Variants in PDE4D observed in about 807,000 individuals in gnomAD.
PDE4D encodes the protein phosphodiesterase 4D.
A neutral mutation model predicts 87.4 loss-of-function variants in PDE4D; 24 were observed. The ratio of observed to expected loss-of-function variants is 0.27; its 90% CI spans 0.20 to 0.39. The LOEUF (loss-of-function observed/expected upper bound fraction) is 0.39. Ranked by LOEUF, PDE4D falls within the 10% of genes least tolerant of loss-of-function variation. The pLI, the probability that PDE4D is intolerant of heterozygous loss-of-function variation, is 1.00. For synonymous variants in PDE4D, 384 were observed against 383.2 expected (o/e 1.00, Z -0.02); for missense variants, 714 against 1,041.0 (o/e 0.69, Z 4.32).
chr5:59,775,752 G>A (rs907363313), intron 1 of PDE4D, among the ~76,000 whole-genome samples: 2 of 152,040 alleles, frequency 1.3e-5, no homozygotes, highest in Non-Finnish European at 2.9e-5. Context: ...AATCCAACAG[G>A]TATCCTAAAT....
intron 1 of PDE4D, among the ~76,000 whole-genome samples, chr5:59,810,435 G>T (rs1768222254): frequency 6.6e-6 from 1 of 152,128 alleles, no homozygotes; most frequent in South Asian, 2.1e-4. Flanking sequence ...TTTTCCTTAT[G>T]TGTTAAGTGC....
intron 1 of PDE4D, among the ~76,000 whole-genome samples, chr5:59,843,672 C>G (rs1743388287): frequency 6.6e-6 from 1 of 152,060 alleles, no homozygotes; most frequent in South Asian, 2.1e-4. Flanking sequence ...GTTTATAACT[C>G]TGAGCACACA....
intron 1 of PDE4D, among the ~76,000 whole-genome samples, chr5:60,308,451 C>T (rs1160899417): frequency 6.6e-6 from 1 of 152,140 alleles, no homozygotes; most frequent in Non-Finnish European, 1.5e-5. Flanking sequence ...CTGTTTCTAA[C>T]GTTGCTGTAG....
chr5:60,184,158 C>G (rs1328586954), intron 2 of PDE4D, among the ~76,000 whole-genome samples: 2 of 152,166 alleles, frequency 1.3e-5, no homozygotes, highest in African/African-American at 4.8e-5. Flanking sequence ...CTCAGTTAAT[C>G]ATTTGCTTTT....
chr5:60,513,260 C>A (rs905193156), intron 1 of PDE4D, among the ~76,000 whole-genome samples: 1 of 152,036 alleles, frequency 6.6e-6, no homozygotes, highest in African/African-American at 2.4e-5. Context: ...AGAAAGAGGT[C>A]GCTATGCAGG....
At chr5:59,427,319 AC>A (rs1351570581) in intron 1 of PDE4D, among the ~76,000 whole-genome samples, 2 of 151,192 alleles carry the variant, frequency 1.3e-5, no homozygotes, top group Non-Finnish European at 2.9e-5. Flanking sequence ...ACACACACAC[AC>A]ACACACACAC....
intron 1 of PDE4D, among the ~76,000 whole-genome samples, chr5:59,773,801 A>G (rs949108992): frequency 7.9e-5 from 12 of 152,244 alleles, no homozygotes; most frequent in African/African-American, 2.4e-4. Flanking sequence ...GGTTTTTCAA[A>G]TCATCATCAT....
At chr5:59,468,686 T>C (rs1801959894) in intron 1 of PDE4D, among the ~76,000 whole-genome samples, 1 of 152,194 alleles carries the variant, frequency 6.6e-6, no homozygotes, top group Admixed American at 6.5e-5. Context: ...TTTTCTTTTA[T>C]TTTCACTTTT....
chr5:59,272,212 C>G lies in PDE4D; in HGVS notation c.456-56244G>C, dbSNP rs568604202. Among the ~76,000 whole-genome samples the G allele has an allele frequency of 2.0e-5, 3 of 152,042 alleles. No homozygotes were observed. In the South Asian group the frequency reaches 6.2e-4, roughly 32 times the overall value. ...TTCTGTCAGCAGGAAAGAAAAAAGT[C>G]CACTTCCATTGACTAAACTTCTCTT... On this transcript the variant is annotated intron_variant, in intron 1 of 14. Coordinates refer to ENST00000340635, the MANE Select transcript of PDE4D (RefSeq NM_001104631.2).
chr5:60,215,722 C>A (rs1743782627), intron 1 of PDE4D, among the ~76,000 whole-genome samples: 1 of 152,084 alleles, frequency 6.6e-6, no homozygotes, highest in Non-Finnish European at 1.5e-5. Flanking sequence ...CTATCCCAGA[C>A]CTATGTTATC....
chr5:60,336,021 T>G (rs2149881818), intron 1 of PDE4D, among the ~76,000 whole-genome samples: 1 of 152,286 alleles, frequency 6.6e-6, no homozygotes, highest in Middle Eastern at 3.4e-3. Flanking sequence ...GGAGACAGCC[T>G]CACAGGGTAG....
chr5:60,342,374 C>A (rs1470920494), intron 1 of PDE4D, among the ~76,000 whole-genome samples: 1 of 152,092 alleles, frequency 6.6e-6, no homozygotes, highest in East Asian at 1.9e-4. Context: ...GAGCTCAGTC[C>A]AGCAGCATGA....
intron 4 of PDE4D, among the ~76,000 whole-genome samples, chr5:59,184,271 A>AC (rs1260811059): frequency 2.0e-5 from 3 of 152,160 alleles, no homozygotes; most frequent in African/African-American, 7.2e-5. Flanking sequence ...ATTTTTAAAA[A>AC]CTTTTTTCTA....
chr5:59,223,225 C>T (rs1234990995), intron 1 of PDE4D, among the ~76,000 whole-genome samples: 1 of 152,144 alleles, frequency 6.6e-6, no homozygotes, highest in Non-Finnish European at 1.5e-5. Context: ...AGATATTACT[C>T]ACTGAGGAGA....
At chr5:59,712,022 T>C (rs954486314) in intron 1 of PDE4D, among the ~76,000 whole-genome samples, 6 of 152,138 alleles carry the variant, frequency 3.9e-5, no homozygotes, top group Non-Finnish European at 8.8e-5. Flanking sequence ...TCAGGCCTTT[T>C]CAAAGTTTTC....
chr5:59,092,301 G>T (rs1266564775), intron 5 of PDE4D, among the ~76,000 whole-genome samples: 1 of 152,162 alleles, frequency 6.6e-6, no homozygotes, highest in East Asian at 1.9e-4. Flanking sequence ...TTAAAACATA[G>T]TTAGAAAGAG....
At chr5:59,821,742 G>A (rs1327399768) in intron 1 of PDE4D, among the ~76,000 whole-genome samples, 1 of 152,080 alleles carries the variant, frequency 6.6e-6, no homozygotes, top group Admixed American at 6.6e-5. Context: ...AGGAGGGGAG[G>A]AAGAAAGCCC....
intron 1 of PDE4D, among the ~76,000 whole-genome samples, chr5:59,299,818 A>G (rs74415557): frequency 0.067 from 10,130 of 152,202 alleles, 373 homozygotes; most frequent in Middle Eastern, 0.13. Flanking sequence ...TGGAATAAAA[A>G]AAAATGCTCG....
chr5:59,193,143 G>T (rs1581286055), intron 3 of PDE4D, among the ~76,000 whole-genome samples: 1 of 152,148 alleles, frequency 6.6e-6, no homozygotes, highest in East Asian at 1.9e-4. Context: ...GGTTGAATTG[G>T]AATATTGAAT....
Sources: gnomAD v4.1 joint callset for allele counts (sites outside exome capture counted in the v4.1 genomes callset) on GRCh38, gnomAD v4.1.1 for gene constraint, MANE v1.5 for transcripts, NCBI Gene and HGNC (gene_info 2026-07-23, HGNC 2026-07-21) for gene names.